The following MPHOSPH9 variants were observed in gnomAD, a reference collection of about 807,000 sequenced individuals.
MPHOSPH9 encodes the protein M-phase phosphoprotein 9.
MPHOSPH9 carries 88 observed loss-of-function variants against 145.5 expected under a neutral mutation model. The observed-to-expected ratio is 0.60, with a 90% confidence interval of 0.51 to 0.72. The LOEUF is 0.72. Ranked by LOEUF, MPHOSPH9 falls within the 30% of genes least tolerant of loss-of-function variation. The pLI is 0.00. For missense variants in MPHOSPH9, 1,238 were observed against 1,386.6 expected (o/e 0.89, Z 1.70); for synonymous variants, 435 against 486.2 (o/e 0.89, Z 1.39).
intron 11 of MPHOSPH9, among the ~76,000 whole-genome samples, 156 bp downstream of exon 11, chr12:123,202,008 T>C (rs966976705): frequency 6.6e-6 from 1 of 152,188 alleles, no homozygotes; most frequent in Non-Finnish European, 1.5e-5. Flanking sequence ...ATTAGTGTAT[T>C]ATAAGAGGGG....
intron 20 of MPHOSPH9, 64 bp downstream of exon 20, chr12:123,162,950 A>C (rs2044168206): frequency 7.0e-7 from 1 of 1,433,826 alleles, no homozygotes; most frequent in African/African-American, 1.5e-5. Context: ...TAGAGACATA[A>C]GTCAACATTT....
At chr12:123,152,879 G>GA (rs2043802169), downstream of MPHOSPH9, 1 of 167,176 alleles carries the variant, frequency 6.0e-6, no homozygotes, top group Non-Finnish European at 1.3e-5. Context: ...ATTTTTTAAA[G>GA]CTTCTTAAAG....
intron 18 of MPHOSPH9, among the ~76,000 whole-genome samples, chr12:123,165,015 CAAAAAAAAA>C (rs35219995): frequency 6.0e-5 from 5 of 83,248 alleles, no homozygotes; most frequent in Non-Finnish European, 8.8e-5. Context: ...CTCACTGTCT[CAAAAAAAAA>C]AAAAAAAAAA....
At chr12:123,213,785 G>C (rs1727325) in intron 7 of MPHOSPH9, among the ~76,000 whole-genome samples, 97,682 of 152,010 alleles carry the variant, frequency 0.64, 35,857 homozygotes, top group East Asian at 1. Flanking sequence ...TAAGGACTCT[G>C]TGAACAACAG....
rs1052710190 is a variant in MPHOSPH9 at position 123,194,246 on chromosome 12, G to C, written c.2241+140C>G. The C allele has an allele frequency of 6.7e-6, 4 of 598,376 alleles. No individual in the cohort carries two copies. In the African/African-American group the frequency reaches 7.6e-5, roughly 11 times the overall value. The allele number at this position is 598,376 out of a possible 1,614,324, so 37.1% of individuals were successfully genotyped here. On this transcript the variant is annotated intron_variant, in intron 13 of 23. Transcript: ENST00000606320. ...CTCCTGCCACTGCACTCCAGCCTGGGTGTCAGAGTGAGACTCTGTCTCAAA... is the reference window on the plus strand; with the variant it reads ...CTCCTGCCACTGCACTCCAGCCTGGCTGTCAGAGTGAGACTCTGTCTCAAA...
chr12:123,163,217 A>G (rs1204580384), intron 19 of MPHOSPH9, 83 bp from the exon 20 acceptor site: 2 of 1,377,548 alleles, frequency 1.5e-6, no homozygotes, highest in African/African-American at 3.0e-5. Context: ...TTTTTTTTCT[A>G]ATTTTGAAAG....
At chr12:123,192,806 A>G (rs1398686304) in intron 13 of MPHOSPH9, among the ~76,000 whole-genome samples, 1 of 151,846 alleles carries the variant, frequency 6.6e-6, no homozygotes, top group Admixed American at 6.6e-5. Flanking sequence ...ACAAATTACT[A>G]AAAGAAAAAA....
intron 15 of MPHOSPH9, 138 bp from the exon 16 acceptor site, chr12:123,176,927 C>T (rs1182045672): frequency 3.0e-6 from 2 of 660,334 alleles, no homozygotes; most frequent in Non-Finnish European, 5.2e-6. Flanking sequence ...AATGGTGGCT[C>T]ACCCCTGTAA....
At chr12:123,163,243 G>A (rs1325113559) in intron 19 of MPHOSPH9, 109 bp from the exon 20 acceptor site, 8 of 1,185,692 alleles carry the variant, frequency 6.7e-6, no homozygotes, top group Admixed American at 7.0e-5. Context: ...TAATTTCAAC[G>A]TAAAACTTTG....
At chr12:123,220,890 C>T (rs978859524) in intron 5 of MPHOSPH9, among the ~76,000 whole-genome samples, 8 of 152,032 alleles carry the variant, frequency 5.3e-5, no homozygotes, top group African/African-American at 1.9e-4. Context: ...CCCGTCTCTA[C>T]TAAAAATACA....
upstream of MPHOSPH9, among the ~76,000 whole-genome samples, chr12:123,238,121 C>T (rs2047879759): frequency 6.6e-6 from 1 of 152,076 alleles, no homozygotes; most frequent in Admixed American, 6.6e-5. Context: ...GTCTGGAACT[C>T]CTGAGCTCAG....
At chr12:123,231,182 A>G (rs2047619969) in intron 1 of MPHOSPH9, among the ~76,000 whole-genome samples, 1 of 152,136 alleles carries the variant, frequency 6.6e-6, no homozygotes, top group African/African-American at 2.4e-5. Flanking sequence ...GCATCTTGCT[A>G]TGTTGCCCAG....
intron 2 of MPHOSPH9, 137 bp downstream of exon 2, chr12:123,230,124 C>G: frequency 3.4e-6 from 2 of 583,220 alleles, no homozygotes; most frequent in Non-Finnish European, 5.7e-6. Flanking sequence ...GCCCAGCCTC[C>G]CTGAACATTC....
intron 8 of MPHOSPH9, among the ~76,000 whole-genome samples, chr12:123,206,700 T>C (rs1281896164): frequency 6.8e-6 from 1 of 147,484 alleles, no homozygotes; most frequent in Non-Finnish European, 1.5e-5. Flanking sequence ...GGTCACAAGG[T>C]CAGGAGATCG....
chr12:123,210,479 C>T (rs1041413394), intron 7 of MPHOSPH9, among the ~76,000 whole-genome samples: 17 of 151,878 alleles, frequency 1.1e-4, no homozygotes, highest in African/African-American at 3.6e-4. Context: ...GATTACCTAA[C>T]GTCAGGAGTT....
downstream of MPHOSPH9, chr12:123,152,377 C>A (rs548370558): frequency 5.9e-6 from 2 of 337,612 alleles, no homozygotes; most frequent in Non-Finnish European, 1.2e-5. Context: ...GAGAGATGGT[C>A]CCTGCTCCCG....
intron 13 of MPHOSPH9, among the ~76,000 whole-genome samples, chr12:123,187,056 C>T (rs1365091819): frequency 1.3e-5 from 2 of 152,052 alleles, no homozygotes; most frequent in Admixed American, 6.6e-5. Flanking sequence ...GTCAGGAGTC[C>T]GAGACCAGCC....
At chr12:123,175,981 C>T (rs532247038) in intron 16 of MPHOSPH9, among the ~76,000 whole-genome samples, 50 of 152,202 alleles carry the variant, frequency 3.3e-4, no homozygotes, top group African/African-American at 1.1e-3. Context: ...GATCCTCCCA[C>T]CTTGGCTTTC....
At chr12:123,210,460 A>G (rs2046652880) in intron 7 of MPHOSPH9, among the ~76,000 whole-genome samples, 1 of 152,106 alleles carries the variant, frequency 6.6e-6, no homozygotes, top group African/African-American at 2.4e-5. Context: ...TGGGAAGCTG[A>G]GGCAGGAGGA....
Sources: allele counts gnomAD v4.1 joint callset (sites outside exome capture counted in the v4.1 genomes callset), GRCh38; gene constraint gnomAD v4.1.1; transcripts MANE v1.5; gene names NCBI Gene and HGNC (gene_info 2026-07-23, HGNC 2026-07-21).